Variants in MACROD2 observed in about 807,000 individuals in gnomAD.
MACROD2 encodes the protein ADP-ribose glycohydrolase MACROD2.
In MACROD2, 36 loss-of-function variants were observed where a neutral mutation model predicts 70.4. The ratio of observed to expected loss-of-function variants is 0.51; its 90% confidence interval spans 0.39 to 0.68. The LOEUF (loss-of-function observed/expected upper bound fraction) is 0.68. MACROD2 is among the 30% of genes least tolerant of loss of function. The probability of loss-of-function intolerance (pLI) is 0.00; values close to 1 mark genes in which losing one functional copy is unlikely to be tolerated. For missense variants in MACROD2, 496 were observed against 538.4 expected (o/e 0.92, Z 0.78); for synonymous variants, 172 against 178.8 (o/e 0.96, Z 0.30).
intron 6 of MACROD2, among the ~76,000 whole-genome samples, chr20:15,372,290 A>C (rs1443440584): frequency 6.6e-6 from 1 of 152,208 alleles, no homozygotes; most frequent in African/African-American, 2.4e-5. Context: ...TGTTTGTAAA[A>C]TCCAAGTTAT....
At chr20:15,972,382 C>T (rs1016036007) in intron 13 of MACROD2, among the ~76,000 whole-genome samples, 1 of 152,016 alleles carries the variant, frequency 6.6e-6, no homozygotes, top group Admixed American at 6.5e-5. Context: ...AGTTCTATGA[C>T]CCCAAAGCAT....
intron 3 of MACROD2, among the ~76,000 whole-genome samples, chr20:14,114,162 T>C (rs2054487370): frequency 6.6e-6 from 1 of 152,078 alleles, no homozygotes; most frequent in African/African-American, 2.4e-5. Context: ...CATTATTTTA[T>C]GTAAAAGTAT....
chr20:14,870,294 G>A (rs1216075126), intron 5 of MACROD2, among the ~76,000 whole-genome samples: 1 of 152,074 alleles, frequency 6.6e-6, no homozygotes, highest in Non-Finnish European at 1.5e-5. Context: ...TTTCTTTATG[G>A]CTGCATAGTA....
rs911396328 is a variant in MACROD2 at position 14,896,325 on chromosome 20, T to A, written c.418+211366T>A. 3.3e-5 allele frequency among the ~76,000 whole-genome samples: 5 copies of A among 152,002 alleles called. No homozygotes were observed. In the South Asian group the frequency reaches 8.3e-4, roughly 25 times the overall value. ...AATAAATAAATAAAATTAAAAAAAA[T>A]TGGAAATAACATATTTGCTATTAAT... On this transcript the variant is annotated intron_variant, in intron 5 of 17. Transcript: ENST00000684519.
At chr20:15,609,943 A>G (rs458809) in intron 8 of MACROD2, among the ~76,000 whole-genome samples, 8,027 of 152,240 alleles carry the variant, frequency 0.053, 439 homozygotes, top group African/African-American at 0.14. Flanking sequence ...CTATAGCATC[A>G]TAGTCTGTGC....
In MACROD2 at chr20:15,372,149, CT is replaced by C. The variant is rs374707949; in HGVS notation, c.541-59253del. 5.0e-4 allele frequency among the ~76,000 whole-genome samples: 76 copies of C among 152,282 alleles called. 1 individual carries two copies. The East Asian group carries it at 0.014, about 29-fold the overall frequency. ...ATCTCTATGGAAAAATACTAAAGTA[CT>C]TTCCACTCACTCACTAGGTCAAGTA... On this transcript the variant is annotated intron_variant, in intron 6 of 17. Transcript: ENST00000684519.
intron 12 of MACROD2, among the ~76,000 whole-genome samples, chr20:15,944,221 G>T (rs1466250634): frequency 1.3e-5 from 2 of 152,048 alleles, no homozygotes; most frequent in African/African-American, 2.4e-5. Context: ...GAGGGAAAAG[G>T]TTAAAACATT....
intron 3 of MACROD2, among the ~76,000 whole-genome samples, chr20:14,316,950 C>A (rs1167972507): frequency 6.6e-6 from 1 of 152,070 alleles, no homozygotes. Flanking sequence ...TCCCCTTATT[C>A]CTCCCTGCCC....
At chr20:14,403,027 ATAT>A (rs1378007451) in intron 3 of MACROD2, among the ~76,000 whole-genome samples, 2 of 152,176 alleles carry the variant, frequency 1.3e-5, no homozygotes, top group African/African-American at 4.8e-5. Context: ...ATTAACAAAG[ATAT>A]TATTTCCTTG....
In MACROD2 at chr20:14,439,701, T is replaced by C. The variant is rs181039415; in HGVS notation, c.272-53778T>C. Among the ~76,000 whole-genome samples the C allele has an allele frequency of 4.6e-5, 7 of 152,306 alleles. No homozygotes were observed. In the East Asian group the frequency reaches 1.3e-3, roughly 29 times the overall value. On this transcript the variant is annotated intron_variant, in intron 3 of 17. Coordinates refer to ENST00000684519, the MANE Select transcript of MACROD2 (RefSeq NM_001351661.2). Reference sequence around the variant, plus strand: ...TTAAAATGAATTTAATAATGTTATTTACTAACAGTTGTGAGGATTGAATGA... The same window carrying C: ...TTAAAATGAATTTAATAATGTTATTCACTAACAGTTGTGAGGATTGAATGA...
chr20:14,521,234 A>T (rs2085166410), intron 4 of MACROD2, among the ~76,000 whole-genome samples: 1 of 152,122 alleles, frequency 6.6e-6, no homozygotes. Flanking sequence ...CACCCAGCAG[A>T]GCAAAAGCCT....
intron 15 of MACROD2, among the ~76,000 whole-genome samples, chr20:15,988,556 C>A (rs1389417171): frequency 6.6e-6 from 1 of 152,068 alleles, no homozygotes; most frequent in Non-Finnish European, 1.5e-5. Context: ...TCTCCCAGAG[C>A]CTTCCCAAGC....
chr20:14,535,520 A>C (rs2085353800), intron 4 of MACROD2, among the ~76,000 whole-genome samples: 1 of 147,820 alleles, frequency 6.8e-6, no homozygotes, highest in African/African-American at 2.5e-5. Flanking sequence ...AAAAAAAAAA[A>C]AAAAAAAAAG....
intron 6 of MACROD2, among the ~76,000 whole-genome samples, chr20:15,287,054 T>C (rs1274432463): frequency 6.6e-6 from 1 of 152,232 alleles, no homozygotes; most frequent in Non-Finnish European, 1.5e-5. Context: ...ATCAGAGAAA[T>C]GAAATGTGAA....
At chr20:15,371,609 A>G (rs964265802) in intron 6 of MACROD2, among the ~76,000 whole-genome samples, 34 of 152,162 alleles carry the variant, frequency 2.2e-4, no homozygotes, top group African/African-American at 7.7e-4. Flanking sequence ...GATAGTTTTT[A>G]TAATGTTAGC....
intron 3 of MACROD2, among the ~76,000 whole-genome samples, chr20:14,488,473 T>G (rs1394050047): frequency 1.3e-5 from 2 of 152,240 alleles, no homozygotes; most frequent in Non-Finnish European, 2.9e-5. Flanking sequence ...GCTAATGCTT[T>G]AGTTCACCCT....
intron 4 of MACROD2, among the ~76,000 whole-genome samples, chr20:14,661,014 A>C (rs1051812310): frequency 3.3e-5 from 5 of 152,042 alleles, no homozygotes; most frequent in African/African-American, 1.2e-4. Context: ...GTAAAAATAC[A>C]AGTGCAGGTA....
At chr20:13,998,228 G>T (rs2052688109) in intron 1 of MACROD2, among the ~76,000 whole-genome samples, 1 of 151,724 alleles carries the variant, frequency 6.6e-6, no homozygotes. Context: ...AGTAATTAAG[G>T]AGTTCTGAAG....
intron 4 of MACROD2, among the ~76,000 whole-genome samples, chr20:14,530,936 A>G (rs1208018173): frequency 2.0e-5 from 3 of 152,222 alleles, no homozygotes; most frequent in Admixed American, 6.5e-5. Context: ...GTGGTTGTTA[A>G]TAATCTGTTA....
Sources: gnomAD v4.1 joint callset for allele counts (sites outside exome capture counted in the v4.1 genomes callset) on GRCh38, gnomAD v4.1.1 for gene constraint, MANE v1.5 for transcripts, NCBI Gene and HGNC (gene_info 2026-07-23, HGNC 2026-07-21) for gene names.